Variants in RAI14 observed in about 807,000 individuals in gnomAD.
The protein encoded by RAI14 is retinoic acid induced 14, also known as ankycorbin.
In RAI14, 45 loss-of-function variants were observed where a neutral mutation model predicts 115.4. The ratio of observed to expected loss-of-function variants is 0.39; its 90% CI spans 0.31 to 0.50. The LOEUF (loss-of-function observed/expected upper bound fraction) is 0.50. Among genes scored for constraint, RAI14 ranks in the 20% least tolerant of loss-of-function variants. The pLI, the probability that RAI14 is intolerant of heterozygous loss-of-function variation, is 0.85. For missense variants in RAI14, 939 were observed against 1,131.2 expected (o/e 0.83, Z 2.44); for synonymous variants, 371 against 415.4 (o/e 0.89, Z 1.30).
intron 15 of RAI14, chr5:34,826,003 A>T (rs1656513876): frequency 6.0e-6 from 1 of 165,362 alleles, no homozygotes; most frequent in African/African-American, 2.4e-5. Context: ...CCTAATTCTG[A>T]TTTTTTTTTT....
intron 1 of RAI14, 126 bp from the exon 2 acceptor site, chr5:34,686,746 G>C (rs1330308133): frequency 4.1e-6 from 2 of 484,038 alleles, no homozygotes; most frequent in Non-Finnish European, 7.4e-6. Context: ...CCACTCCTCA[G>C]CTGTTAACTG....
At chr5:34,679,531 G>GC (rs112061131) in intron 1 of RAI14, among the ~76,000 whole-genome samples, 5,834 of 152,214 alleles carry the variant, frequency 0.038, 415 homozygotes, top group African/African-American at 0.13. Context: ...TCCCTGGCTT[G>GC]CCCATAGTTC....
chr5:34,750,147 A>T (rs1251329543), intron 2 of RAI14, among the ~76,000 whole-genome samples: 3 of 152,098 alleles, frequency 2.0e-5, no homozygotes, highest in African/African-American at 7.2e-5. Context: ...TCTCAGGATA[A>T]TTTACAAGTA....
chr5:34,686,992 C>A, intron 2 of RAI14, 37 bp downstream of exon 2: 1 of 1,611,696 alleles, frequency 6.2e-7, no homozygotes, highest in Non-Finnish European at 8.5e-7. Flanking sequence ...GCTGTTCCTT[C>A]TTCTCCATGG....
At chr5:34,676,731 C>T (rs1025203272) in intron 1 of RAI14, among the ~76,000 whole-genome samples, 2 of 152,094 alleles carry the variant, frequency 1.3e-5, no homozygotes, top group Non-Finnish European at 1.5e-5. Flanking sequence ...AGAGAAATGT[C>T]GTCTCCTGGA....
intron 1 of RAI14, among the ~76,000 whole-genome samples, chr5:34,665,910 T>G (rs1743164850): frequency 1.3e-5 from 2 of 152,328 alleles, no homozygotes; most frequent in Admixed American, 6.5e-5. Flanking sequence ...ATTTGAAAAC[T>G]AGTCATCGGT....
chr5:34,762,076 C>T (rs1357308029), intron 3 of RAI14, among the ~76,000 whole-genome samples: 1 of 152,182 alleles, frequency 6.6e-6, no homozygotes, highest in Non-Finnish European at 1.5e-5. Flanking sequence ...GTTGGTCTTT[C>T]CCATTGTTCT....
At chr5:34,743,579 G>T (rs1365733073) in intron 2 of RAI14, among the ~76,000 whole-genome samples, 2 of 152,194 alleles carry the variant, frequency 1.3e-5, no homozygotes, top group Non-Finnish European at 2.9e-5. Context: ...AACCCCCACA[G>T]TCACTTAGGA....
At chr5:34,756,271 A>C (rs1471534901) in intron 2 of RAI14, among the ~76,000 whole-genome samples, 1 of 152,058 alleles carries the variant, frequency 6.6e-6, no homozygotes, top group Non-Finnish European at 1.5e-5. Flanking sequence ...CATCCTGTAA[A>C]ATTTCTTCTT....
intron 1 of RAI14, among the ~76,000 whole-genome samples, chr5:34,669,818 A>G (rs997693360): frequency 5.9e-5 from 9 of 152,202 alleles, no homozygotes; most frequent in African/African-American, 2.2e-4. Context: ...TGCTTTTCCA[A>G]ATTGTTGCCA....
chr5:34,795,228 T>C (rs1753366700), intron 3 of RAI14, among the ~76,000 whole-genome samples: 1 of 152,228 alleles, frequency 6.6e-6, no homozygotes, highest in Non-Finnish European at 1.5e-5. Flanking sequence ...TGGTTTGTGC[T>C]CCCAAGTTTC....
chr5:34,745,509 C>T (rs1374541558), intron 2 of RAI14, among the ~76,000 whole-genome samples: 1 of 152,186 alleles, frequency 6.6e-6, no homozygotes, highest in Non-Finnish European at 1.5e-5. Flanking sequence ...TAGGACCAGT[C>T]CCTGGACCTT....
At chr5:34,757,164 A>G in intron 2 of RAI14, 1 of 438,964 alleles carries the variant, frequency 2.3e-6, no homozygotes, top group South Asian at 1.7e-5. Context: ...GCTAATGTGT[A>G]AACTGGCCTT....
intron 2 of RAI14, among the ~76,000 whole-genome samples, chr5:34,694,438 A>G (rs1346403965): frequency 2.0e-5 from 3 of 152,248 alleles, no homozygotes; most frequent in African/African-American, 7.2e-5. Flanking sequence ...CAGTATGTCC[A>G]TAAAGATGAG....
At chr5:34,699,487 T>C (rs1159609687) in intron 2 of RAI14, among the ~76,000 whole-genome samples, 1 of 152,232 alleles carries the variant, frequency 6.6e-6, no homozygotes, top group East Asian at 1.9e-4. Context: ...CATCTTTGTA[T>C]AGCGTTTTCC....
chr5:34,817,053 G>A (rs1269977740), intron 12 of RAI14, among the ~76,000 whole-genome samples: 7 of 151,912 alleles, frequency 4.6e-5, no homozygotes, highest in Admixed American at 2.0e-4. Flanking sequence ...CAAAGCGGGT[G>A]GATCATGAGG....
intron 4 of RAI14, among the ~76,000 whole-genome samples, chr5:34,801,288 T>C (rs1167400573): frequency 2.0e-5 from 3 of 152,244 alleles, no homozygotes; most frequent in Admixed American, 2.0e-4. Flanking sequence ...TCCGTACAGC[T>C]GAATTCAAAA....
At chr5:34,822,838 C>G in intron 14 of RAI14, 118 bp from the exon 15 acceptor site, 2 of 886,986 alleles carry the variant, frequency 2.3e-6, no homozygotes, top group Non-Finnish European at 1.7e-6. Flanking sequence ...CGCCCGCCAC[C>G]ACGCCCGGCT....
intron 2 of RAI14, among the ~76,000 whole-genome samples, chr5:34,726,388 A>G (rs1743474970): frequency 6.6e-6 from 1 of 152,216 alleles, no homozygotes; most frequent in African/African-American, 2.4e-5. Flanking sequence ...ACATGGTGGC[A>G]GGAGAAAGAG....
Sources: allele counts gnomAD v4.1 joint callset (sites outside exome capture counted in the v4.1 genomes callset), GRCh38; gene constraint gnomAD v4.1.1; transcripts MANE v1.5; gene names NCBI Gene and HGNC (gene_info 2026-07-23, HGNC 2026-07-21).